PCLAF: variants seen among roughly 807,000 people sequenced by gnomAD.
The protein encoded by PCLAF is PCNA-associated factor.
A neutral mutation model predicts 15.1 loss-of-function variants in PCLAF; 12 were observed. That is an observed-to-expected ratio of 0.79 (90% CI 0.51 to 1.29). The LOEUF is 1.29. Ranked by LOEUF, PCLAF falls within the 50% of genes most tolerant of loss-of-function variation. The pLI, the probability that PCLAF is intolerant of heterozygous loss-of-function variation, is 0.00. For synonymous variants in PCLAF, 33 were observed against 47.1 expected, an observed-to-expected ratio of 0.70 and a Z score of 1.22; for missense variants, 116 against 130.9, an observed-to-expected ratio of 0.89 and a Z score of 0.56.
intron 3 of PCLAF, chr15:64,373,778 G>A (rs1301552181): frequency 1.3e-6 from 2 of 1,535,076 alleles, no homozygotes; most frequent in Non-Finnish European, 8.7e-7. Flanking sequence ...GTGCAGGGGA[G>A]ATAGCAAGTA....
chr15:64,366,788 C>T (rs1387035767), intron 3 of PCLAF, among the ~76,000 whole-genome samples: 1 of 152,092 alleles, frequency 6.6e-6, no homozygotes, highest in African/African-American at 2.4e-5. Flanking sequence ...GCCTAGCCAA[C>T]ATGGTGAAAA....
chr15:64,381,789 A>T (rs1899830761), upstream of PCLAF, among the ~76,000 whole-genome samples: 1 of 152,252 alleles, frequency 6.6e-6, no homozygotes. Flanking sequence ...TTAAGTCCAT[A>T]ATGATTGACT....
At chr15:64,378,349 C>T (rs1453103444) in intron 2 of PCLAF, among the ~76,000 whole-genome samples, 1 of 152,144 alleles carries the variant, frequency 6.6e-6, no homozygotes, top group African/African-American at 2.4e-5. Flanking sequence ...TAAGCTAAAA[C>T]ATTTGCTTTA....
At chr15:64,383,661 C>T (rs1899879588), upstream of PCLAF, among the ~76,000 whole-genome samples, 1 of 152,086 alleles carries the variant, frequency 6.6e-6, no homozygotes, top group Non-Finnish European at 1.5e-5. Flanking sequence ...GCCACCACAC[C>T]TGGCCAGCAC....
intron 3 of PCLAF, among the ~76,000 whole-genome samples, chr15:64,366,832 C>T (rs1899053429): frequency 6.6e-6 from 1 of 151,878 alleles, no homozygotes; most frequent in Admixed American, 6.6e-5. Flanking sequence ...AATAGCCGGG[C>T]AGTGGGGGTG....
intron 3 of PCLAF, among the ~76,000 whole-genome samples, chr15:64,371,437 T>C (rs1013760272): frequency 3.9e-5 from 6 of 152,066 alleles, no homozygotes; most frequent in African/African-American, 1.4e-4. Flanking sequence ...AGTTAATATT[T>C]GTATTTTTAG....
chr15:64,379,782 T>C (rs1288623160), intron 2 of PCLAF, among the ~76,000 whole-genome samples: 1 of 152,082 alleles, frequency 6.6e-6, no homozygotes, highest in African/African-American at 2.4e-5. Context: ...TCTCATCTAC[T>C]CCACGCACAG....
chr15:64,387,644 C>A (rs916484444), exon 1 of PCLAF: 1 of 1,414,790 alleles, frequency 7.1e-7, no homozygotes, highest in Non-Finnish European at 9.2e-7. Context: ...AAGAATCATG[C>A]ACTGACAGAG....
chr15:64,366,087 A>C lies in PCLAF; in HGVS notation c.291-12T>G, dbSNP rs766817794. 21 of 1,604,288 alleles carry C rather than the reference A, an allele frequency of 1.3e-5. No homozygotes were observed. Among genetic ancestry groups the C allele is most frequent in the Non-Finnish European group, 1.7e-5 (20 of 1,175,064 alleles). ...GCAAAGGACATGCTCTGTGAAAAGA[A>C]GAGAGAACATCAATAGCCATCCAAG... On this transcript the variant is annotated splice_polypyrimidine_tract_variant and intron_variant, in intron 3 of 3. Transcript: ENST00000300035.
At chr15:64,370,992 G>A (rs1472251506) in intron 3 of PCLAF, among the ~76,000 whole-genome samples, 3 of 139,886 alleles carry the variant, frequency 2.1e-5, no homozygotes, top group Non-Finnish European at 3.1e-5. Flanking sequence ...TTTTTGAGAC[G>A]GAGTCTCGCG....
intron 2 of PCLAF, among the ~76,000 whole-genome samples, chr15:64,378,779 C>T (rs994055731): frequency 3.9e-5 from 6 of 152,010 alleles, no homozygotes; most frequent in Non-Finnish European, 4.4e-5. Flanking sequence ...GGCATGGTGG[C>T]GCATGCCTGT....
In PCLAF at chr15:64,377,489, ATATATATATAT is replaced by A. The variant is rs1314275209; in HGVS notation, c.128-595_128-585del. Among the ~76,000 whole-genome samples the A allele has an allele frequency of 3.0e-3, 49 of 16,470 alleles. 6 individuals are homozygous for A. The highest frequency in any genetic ancestry group is 8.1e-3 in the African/African-American group (36 of 4,440). The allele number at this position is 16,470 out of a possible 152,430, so 10.8% of individuals were successfully genotyped here. A position where few individuals can be genotyped will look rare whatever the true frequency, so the allele number is the denominator to read the frequency against. ...CTGTCTCAAAAAAAAAAAAAAAAAA[ATATATATATAT>A]ATATATATATATATATATATATATA... is the stretch of plus-strand genomic sequence containing the variant. On this transcript the variant is annotated intron_variant, in intron 2 of 3. Transcript: ENST00000300035.
At chr15:64,379,823 G>A (rs776910671) in intron 2 of PCLAF, among the ~76,000 whole-genome samples, 16 of 152,030 alleles carry the variant, frequency 1.1e-4, no homozygotes, top group African/African-American at 3.1e-4. Context: ...TTCCTTTGCC[G>A]GGTTTCACTC....
intron 3 of PCLAF, among the ~76,000 whole-genome samples, chr15:64,372,091 A>G (rs1415256786): frequency 1.3e-5 from 2 of 151,984 alleles, no homozygotes; most frequent in African/African-American, 4.8e-5. Context: ...TTTGACATAC[A>G]CAAAGATAAA....
At chr15:64,381,533 C>T (rs967519358), upstream of PCLAF, 13 of 1,512,662 alleles carry the variant, frequency 8.6e-6, no homozygotes, top group Non-Finnish European at 1.2e-5. Context: ...GGTTCCGCGC[C>T]GTTCCCCCTG....
chr15:64,366,271 T>A (rs1899027296), intron 3 of PCLAF, among the ~76,000 whole-genome samples, 196 bp from the exon 4 acceptor site: 1 of 152,228 alleles, frequency 6.6e-6, no homozygotes, highest in African/African-American at 2.4e-5. Flanking sequence ...ACAAAATTTT[T>A]AACAATTTAT....
At chr15:64,381,283 GGAGGACCCC>G (rs1899809413) in intron 1 of PCLAF, 34 bp downstream of exon 1, 1 of 1,610,378 alleles carries the variant, frequency 6.2e-7, no homozygotes, top group Non-Finnish European at 8.5e-7. Context: ...CAGGCTGCCG[GGAGGACCCC>G]CCCGCCCTCC....
rs557221829 is a variant in PCLAF, at chr15:64,370,995, G to A, written c.291-4920C>T. Among the ~76,000 whole-genome samples the A allele has an allele frequency of 5.7e-5, 7 of 123,356 alleles. No individual in the cohort carries two copies. In the East Asian group the frequency reaches 1.7e-3, roughly 30 times the overall value. 80.9% of individuals were successfully genotyped at this position (123,356 alleles called of 152,430 possible). A position where few individuals can be genotyped will look rare whatever the true frequency, so the allele number is the denominator to read the frequency against. Reference sequence around the variant, plus strand: ...TTTTTTTTTTTTTTTTTGAGACGGAGTCTCGCGCTGTCGCCCAGGCTGGAG... The same window carrying A: ...TTTTTTTTTTTTTTTTTGAGACGGAATCTCGCGCTGTCGCCCAGGCTGGAG... On this transcript the variant is annotated intron_variant, in intron 3 of 3. Coordinates refer to ENST00000300035, the MANE Select transcript of PCLAF (RefSeq NM_014736.6).
At chr15:64,376,292 CT>C (rs1306095021) in intron 3 of PCLAF, among the ~76,000 whole-genome samples, 1 of 151,908 alleles carries the variant, frequency 6.6e-6, no homozygotes, top group Non-Finnish European at 1.5e-5. Context: ...TTTTTAAAAA[CT>C]TTTTTTGCAT....
Sources: gnomAD v4.1 joint callset for allele counts (sites outside exome capture counted in the v4.1 genomes callset) on GRCh38, gnomAD v4.1.1 for gene constraint, MANE v1.5 for transcripts, NCBI Gene and HGNC (gene_info 2026-07-23, HGNC 2026-07-21) for gene names.